Variants in ZMAT1 observed in about 807,000 individuals in gnomAD.
The protein encoded by ZMAT1 is zinc finger matrin-type 1.
A neutral mutation model predicts 18.5 loss-of-function variants in ZMAT1; 11 were observed. The observed-to-expected ratio is 0.59, with a 90% CI of 0.37 to 0.98. The LOEUF (loss-of-function observed/expected upper bound fraction) is 0.98. Among genes scored for constraint, ZMAT1 ranks in the 50% least tolerant of loss-of-function variants. ZMAT1 has a pLI of 0.01. For missense variants in ZMAT1, 525 were observed against 496.2 expected (o/e 1.06, Z -0.55); for synonymous variants, 211 against 176.4 (o/e 1.20, Z -1.55).
chrX:101,926,636 G>A (rs1930074797), intron 1 of ZMAT1, among the ~76,000 whole-genome samples: 1 of 112,108 alleles, frequency 8.9e-6, no homozygotes, highest in African/African-American at 3.2e-5. Flanking sequence ...TCAGTTCCGG[G>A]CAAGAGAATT....
At chrX:101,902,609 G>A (rs956282542) in intron 2 of ZMAT1, among the ~76,000 whole-genome samples, 2 of 111,362 alleles carry the variant, frequency 1.8e-5, no homozygotes, top group African/African-American at 6.5e-5. Flanking sequence ...TGAGGTAAGG[G>A]TGGACTATAC....
chrX:101,883,596 G>T lies in ZMAT1; in HGVS notation c.2002C>A (p.Arg668Ser). ...SHDVPSEKEE[R>S]KHRKEKKKSV... ...TTCTTTTTCTCTTTCCTGTGCTTAC[G>T]TTCTTCTTTCTCGGAGGGTACATCA... The change falls in exon 6 of 6, where the codon CGT (arginine) becomes AGT (serine). Residue 668 changes from arginine to serine, a missense_variant. Transcript: ENST00000651725. The T allele has an allele frequency of 8.3e-7, 1 of 1,203,497 alleles. No individual in the cohort carries two copies.
Position 101,904,320 on chromosome X carries a change from C to A in ZMAT1, c.303G>T (p.Trp101Cys), listed in dbSNP as rs752718406. 5.0e-6 allele frequency: 6 copies of A among 1,194,517 alleles called. No individual in the cohort carries two copies. In the East Asian group the frequency reaches 1.8e-4, roughly 36 times the overall value. Residue 101 changes from tryptophan to cysteine, a missense_variant, in exon 2 of 6, where the codon TGG becomes TGT. Coordinates refer to ENST00000651725, the MANE Select transcript of ZMAT1 (RefSeq NM_001394560.1). Reference sequence around the variant, plus strand: ...AAAGTTCAGCCTTTTCCTGTTCATTCCAAATGGCGTCTGTGAATAAAAAAG... The same window carrying A: ...AAAGTTCAGCCTTTTCCTGTTCATTACAAATGGCGTCTGTGAATAAAAAAG... ...TRPCLREDAI[W>C]NEQEKAELFT...
At chrX:101,909,392 G>A (rs1928811913) in intron 1 of ZMAT1, among the ~76,000 whole-genome samples, 1 of 111,226 alleles carries the variant, frequency 9.0e-6, no homozygotes, top group Admixed American at 9.5e-5. Context: ...AAAGCAGAGG[G>A]AAAAGTAAAG....
chrX:101,899,590 A>T (rs1928076761), intron 2 of ZMAT1, among the ~76,000 whole-genome samples: 1 of 112,154 alleles, frequency 8.9e-6, no homozygotes. Context: ...GTTCACTTAG[A>T]ATAATGGTCT....
chrX:101,896,173 C>T (rs1277803665), intron 4 of ZMAT1, among the ~76,000 whole-genome samples: 2 of 111,888 alleles, frequency 1.8e-5, no homozygotes, highest in Non-Finnish European at 3.8e-5. Context: ...TGATAGCCAT[C>T]TTATGATTCT....
In ZMAT1 at chrX:101,883,757, G is replaced by T. The variant is rs768508872; in HGVS notation, c.1841C>A (p.Ser614Tyr). Residue 614 changes from serine (S) to tyrosine (Y), a missense_variant, in exon 6 of 6, where the codon TCC becomes TAC. Transcript: ENST00000651725. ...ATAACTCTTTTTCCTTTTATGCTTG[G>T]ACTGCTCTTTCTCTGGCCTTTCTTT... ...EGKERPEKEQ[S>Y]KHKRKKSYED... 1 of 1,204,052 alleles carries T rather than the reference G, an allele frequency of 8.3e-7. No homozygotes were observed. Among genetic ancestry groups the T allele is most frequent in the East Asian group, 3.0e-5 (1 of 33,575 alleles).
At position 101,898,232 on chromosome X, in the gene ZMAT1, T is replaced by C; in HGVS notation, c.400-12A>G. 1 of 1,180,072 alleles carries C rather than the reference T, an allele frequency of 8.5e-7. No homozygotes were observed. Among genetic ancestry groups the C allele is most frequent in the Non-Finnish European group, 1.2e-6 (1 of 868,817 alleles). On this transcript the variant is annotated splice_polypyrimidine_tract_variant and intron_variant, in intron 2 of 5. Coordinates refer to ENST00000651725, the MANE Select transcript of ZMAT1 (RefSeq NM_001394560.1). ...GCATGTTTTTCACCCTGAAAAAAGATATAATATGACTTTGTTTATTCAATA... is the reference window on the plus strand; with the variant it reads ...GCATGTTTTTCACCCTGAAAAAAGACATAATATGACTTTGTTTATTCAATA...
intron 1 of ZMAT1, among the ~76,000 whole-genome samples, chrX:101,908,838 C>T (rs1928772038): frequency 9.0e-6 from 1 of 111,398 alleles, no homozygotes; most frequent in Non-Finnish European, 1.9e-5. Context: ...GCAATAGGTA[C>T]CGCAATTCGT....
At chrX:101,929,835 T>G (rs2147697137) in intron 1 of ZMAT1, among the ~76,000 whole-genome samples, 1 of 111,455 alleles carries the variant, frequency 9.0e-6, no homozygotes, top group Admixed American at 9.5e-5. Flanking sequence ...AACAGCAAAA[T>G]CATGGTTGAT....
At chrX:101,906,659 T>C (rs1310546496) in intron 1 of ZMAT1, among the ~76,000 whole-genome samples, 3 of 111,669 alleles carry the variant, frequency 2.7e-5, no homozygotes, top group Non-Finnish European at 5.7e-5. Context: ...CATCCCTGTG[T>C]GCCCAGGTCC....
intron 1 of ZMAT1, among the ~76,000 whole-genome samples, chrX:101,928,773 T>C (rs1219582183): frequency 8.9e-6 from 1 of 112,299 alleles, no homozygotes; most frequent in Non-Finnish European, 1.9e-5. Flanking sequence ...GATTAATAGC[T>C]AAATAAAAAG....
In ZMAT1 at chrX:101,883,869, G is replaced by T. The variant is rs918999116; in HGVS notation, c.1729C>A (p.His577Asn). 3 of 1,209,477 alleles carry T rather than the reference G, an allele frequency of 2.5e-6. No individual in the cohort carries two copies. The highest frequency in any genetic ancestry group is 3.4e-6 in the Non-Finnish European group (3 of 894,620). Residue 577 changes from histidine (H) to asparagine (N), a missense_variant, in exon 6 of 6, where the codon CAC (histidine) becomes AAC (asparagine). His to Asn is a moderately conservative substitution (Grantham distance 68). Transcript: ENST00000651725. ...GCAGTATTGTTTTCTGAAGAGAGGT[G>T]CTTGTAAACTTCAGATTCTACACTG... ...SYSVESEVYK[H>N]LSSENNTADH...
At chrX:101,915,388 G>C (rs956464601) in intron 1 of ZMAT1, among the ~76,000 whole-genome samples, 4 of 110,698 alleles carry the variant, frequency 3.6e-5, no homozygotes, top group Non-Finnish European at 5.7e-5. Context: ...AAATGGGAAA[G>C]GAAGAAGTCA....
intron 1 of ZMAT1, among the ~76,000 whole-genome samples, chrX:101,922,836 C>G (rs982719407): frequency 8.9e-6 from 1 of 111,823 alleles, no homozygotes; most frequent in Admixed American, 9.6e-5. Flanking sequence ...GACCAATAGC[C>G]AATTCTGGAA....
chrX:101,885,602 G>A (rs113976696), intron 5 of ZMAT1, among the ~76,000 whole-genome samples: 161 of 111,139 alleles, frequency 1.4e-3, no homozygotes, highest in Non-Finnish European at 2.6e-3. Flanking sequence ...CTAAGTATTC[G>A]GATACAAATA....
chrX:101,908,370 G>T (rs1928748251), intron 1 of ZMAT1, among the ~76,000 whole-genome samples: 1 of 111,602 alleles, frequency 9.0e-6, no homozygotes, highest in African/African-American at 3.3e-5. Context: ...AAGCTCTACT[G>T]ATTGTCCCCC....
intron 1 of ZMAT1, among the ~76,000 whole-genome samples, chrX:101,904,540 A>G (rs1928468724): frequency 9.0e-6 from 1 of 111,666 alleles, no homozygotes; most frequent in Non-Finnish European, 1.9e-5. Context: ...TTATTTTAGT[A>G]TGATAAGTCT....
At chrX:101,911,929 C>T (rs1418423939) in intron 1 of ZMAT1, 51 of 1,203,948 alleles carry the variant, frequency 4.2e-5, no homozygotes, top group South Asian at 5.3e-5. Context: ...GTCACGATTG[C>T]GGAAAGTCCT....
Sources: allele counts gnomAD v4.1 joint callset (sites outside exome capture counted in the v4.1 genomes callset), GRCh38; gene constraint gnomAD v4.1.1; transcripts MANE v1.5; gene names NCBI Gene and HGNC (gene_info 2026-07-23, HGNC 2026-07-21).